Variants in PHF20 observed in about 807,000 individuals in gnomAD.
PHF20 encodes the protein glioma-expressed antigen 2.
PHF20 carries 23 observed loss-of-function variants against 113.5 expected under a neutral mutation model. That is an observed-to-expected ratio of 0.20 (90% CI 0.15 to 0.29). The LOEUF is 0.29. PHF20 is among the 10% of genes least tolerant of loss of function. PHF20 has a pLI of 1.00. For synonymous variants in PHF20, 434 were observed against 457.3 expected, an observed-to-expected ratio of 0.95 and a Z score of 0.65; for missense variants, 943 against 1,219.6, an observed-to-expected ratio of 0.77 and a Z score of 3.38.
chr20:35,932,979 G>T (rs2055789596), intron 15 of PHF20, among the ~76,000 whole-genome samples: 1 of 152,090 alleles, frequency 6.6e-6, no homozygotes, highest in Admixed American at 6.6e-5. Flanking sequence ...ATTTCACTTA[G>T]CATAGTGTCC....
intron 9 of PHF20, among the ~76,000 whole-genome samples, chr20:35,881,070 T>TTTTTTC (rs1491351439): frequency 2.1e-5 from 3 of 145,270 alleles, no homozygotes; most frequent in African/African-American, 7.8e-5. Context: ...TTTTTTTTTT[T>TTTTTTC]CTGAGACGGA....
intron 1 of PHF20, among the ~76,000 whole-genome samples, chr20:35,785,167 G>A (rs1377710418): frequency 6.6e-6 from 1 of 151,958 alleles, no homozygotes; most frequent in African/African-American, 2.4e-5. Context: ...ATACTCCTTC[G>A]TAAAATACTG....
At chr20:35,911,353 C>T (rs1431632265) in intron 10 of PHF20, among the ~76,000 whole-genome samples, 4 of 152,072 alleles carry the variant, frequency 2.6e-5, no homozygotes, top group Non-Finnish European at 5.9e-5. Flanking sequence ...GCTGTTCCTA[C>T]CTTTATTGCT....
intron 2 of PHF20, among the ~76,000 whole-genome samples, chr20:35,837,340 T>G (rs748706427): frequency 7.2e-5 from 11 of 152,208 alleles, no homozygotes; most frequent in Non-Finnish European, 1.3e-4. Context: ...AGAGCTAATT[T>G]TTGTTATTAG....
chr20:35,940,546 G>A (rs1295250345), intron 16 of PHF20, among the ~76,000 whole-genome samples: 1 of 152,046 alleles, frequency 6.6e-6, no homozygotes, highest in Non-Finnish European at 1.5e-5. Flanking sequence ...ACTAACCCTT[G>A]TCTGCACTAG....
chr20:35,848,750 G>T (rs964819719), intron 4 of PHF20, among the ~76,000 whole-genome samples: 47 of 151,448 alleles, frequency 3.1e-4, no homozygotes, highest in African/African-American at 1.1e-3. Context: ...CTAGCTACTC[G>T]CATGGCTGAG....
In PHF20 at chr20:35,860,632, A is replaced by G. The variant is rs554766605; in HGVS notation, c.420+2251A>G. ...TGGTTTTCCTTTTCAGAAAATTAAC[A>G]AAATTATTACATAAAGCTTTGGCCC... On this transcript the variant is annotated intron_variant, in intron 5 of 17. Coordinates refer to ENST00000374012, the MANE Select transcript of PHF20 (RefSeq NM_016436.5). 2.0e-5 allele frequency among the ~76,000 whole-genome samples: 3 copies of G among 152,324 alleles called. No homozygotes were observed. The South Asian group carries it at 6.2e-4, about 32-fold the overall frequency.
At chr20:35,846,623 T>TG (rs2042629221) in intron 3 of PHF20, among the ~76,000 whole-genome samples, 1 of 152,224 alleles carries the variant, frequency 6.6e-6, no homozygotes, top group African/African-American at 2.4e-5. Flanking sequence ...TTCTGACTCC[T>TG]ATACTGGATG....
At chr20:35,783,071 C>T (rs560170159) in intron 1 of PHF20, among the ~76,000 whole-genome samples, 4 of 152,016 alleles carry the variant, frequency 2.6e-5, no homozygotes, top group Non-Finnish European at 5.9e-5. Context: ...TGGTGGTGCA[C>T]GCCTTGTAGT....
chr20:35,910,035 G>A (rs759074705), intron 10 of PHF20, among the ~76,000 whole-genome samples: 5 of 152,194 alleles, frequency 3.3e-5, no homozygotes, highest in Non-Finnish European at 7.3e-5. Flanking sequence ...TAGTTAAAAT[G>A]GAATCTGATT....
chr20:35,827,482 A>G (rs1395575939), intron 2 of PHF20, among the ~76,000 whole-genome samples: 5 of 152,194 alleles, frequency 3.3e-5, no homozygotes, highest in Non-Finnish European at 7.3e-5. Flanking sequence ...TGTGGAGTCC[A>G]GTTAAGAGCA....
intron 5 of PHF20, among the ~76,000 whole-genome samples, chr20:35,861,400 G>A (rs931373055): frequency 6.6e-6 from 1 of 152,036 alleles, no homozygotes; most frequent in Non-Finnish European, 1.5e-5. Context: ...GTACGTGTGT[G>A]TATTTATTTA....
At chr20:35,811,261 G>C (rs1285977407) in intron 2 of PHF20, among the ~76,000 whole-genome samples, 5 of 151,998 alleles carry the variant, frequency 3.3e-5, no homozygotes, top group Admixed American at 6.6e-5. Flanking sequence ...TGGCCAAGAT[G>C]ATCTTGATCT....
intron 1 of PHF20, among the ~76,000 whole-genome samples, chr20:35,775,476 G>T (rs1341406044): frequency 6.6e-6 from 1 of 152,030 alleles, no homozygotes; most frequent in Non-Finnish European, 1.5e-5. Flanking sequence ...GCCAAAACTG[G>T]CTGGGCACGG....
chr20:35,917,532 A>G lies in PHF20; in HGVS notation c.1874A>G (p.Asp625Gly), dbSNP rs777603376. Residue 625 changes from aspartate to glycine, a missense_variant, in exon 13 of 18, where the codon GAT becomes GGT. Asp to Gly is a moderately conservative substitution (Grantham distance 94). Coordinates refer to ENST00000374012, the MANE Select transcript of PHF20 (RefSeq NM_016436.5). ...ESSSESFLWS[D>G]DEYGQDVDVT... is the part of the protein sequence containing the mutation. ...TCTTCTGAGAGCTTTCTCTGGAGTG[A>G]TGATGAGTATGGCCAAGATGTGGAT... 6.2e-7 allele frequency: 1 copy of G among 1,614,086 alleles called. No individual in the cohort carries two copies. Among genetic ancestry groups the G allele is most frequent in the Non-Finnish European group, 8.5e-7 (1 of 1,179,984 alleles).
At chr20:35,779,807 C>T (rs1223363553) in intron 1 of PHF20, among the ~76,000 whole-genome samples, 1 of 152,178 alleles carries the variant, frequency 6.6e-6, no homozygotes. Flanking sequence ...AGGCGTGAGC[C>T]ACTGTGCCCG....
chr20:35,780,209 C>CACCCCAG (rs1344815886), intron 1 of PHF20, among the ~76,000 whole-genome samples: 7 of 151,488 alleles, frequency 4.6e-5, no homozygotes, highest in South Asian at 4.2e-4. Flanking sequence ...TTGCCACCCT[C>CACCCCAG]ACCCCAGATT....
intron 13 of PHF20, 42 bp from the exon 14 acceptor site, chr20:35,927,738 A>G (rs1328642734): frequency 6.8e-7 from 1 of 1,480,940 alleles, no homozygotes; most frequent in African/African-American, 1.4e-5. Context: ...GATGGAGAAC[A>G]CCTTCTGAGT....
At chr20:35,780,158 A>G (rs1299209615) in intron 1 of PHF20, among the ~76,000 whole-genome samples, 1 of 151,940 alleles carries the variant, frequency 6.6e-6, no homozygotes, top group East Asian at 1.9e-4. Context: ...TTTAACTACA[A>G]ATCAAACAGG....
Sources: allele counts gnomAD v4.1 joint callset (sites outside exome capture counted in the v4.1 genomes callset), GRCh38; gene constraint gnomAD v4.1.1; transcripts MANE v1.5; gene names NCBI Gene and HGNC (gene_info 2026-07-23, HGNC 2026-07-21).